LRMDA: variants seen among roughly 807,000 people sequenced by gnomAD.
The protein encoded by LRMDA is leucine-rich melanocyte differentiation-associated protein.
A neutral mutation model predicts 29.8 loss-of-function variants in LRMDA; 18 were observed. The observed-to-expected ratio is 0.60, with a 90% CI of 0.42 to 0.90. The LOEUF is 0.90. Among genes scored for constraint, LRMDA ranks in the 40% least tolerant of loss-of-function variants. LRMDA has a pLI of 0.00. For missense variants in LRMDA, 273 were observed against 273.9 expected, an observed-to-expected ratio of 1.00 and a Z score of 0.02; for synonymous variants, 125 against 109.4, an observed-to-expected ratio of 1.14 and a Z score of -0.89.
In LRMDA at chr10:76,250,415, T is replaced by TG. The variant is rs375877216; in HGVS notation, c.517-73985dup. Among the ~76,000 whole-genome samples the TG allele has an allele frequency of 2.2e-3, 330 of 152,338 alleles. 2 individuals carry two copies. Among genetic ancestry groups the TG allele is most frequent in the African/African-American group, 7.2e-3 (300 of 41,578 alleles). On this transcript the variant is annotated intron_variant, in intron 5 of 6. Coordinates refer to ENST00000611255, the MANE Select transcript of LRMDA (RefSeq NM_001305581.2). ...ATGATAAATTATGGATGTTATGATA[T>TG]GTATGTACTTTCATTTGTAAGTAAT...
chr10:76,537,284 C>T (rs868860057), intron 6 of LRMDA, among the ~76,000 whole-genome samples: 2 of 152,164 alleles, frequency 1.3e-5, no homozygotes, highest in African/African-American at 4.8e-5. Context: ...TGCTAGATGC[C>T]CTACACACGT....
At chr10:75,441,062 A>G (rs558599052) in intron 2 of LRMDA, among the ~76,000 whole-genome samples, 1 of 152,238 alleles carries the variant, frequency 6.6e-6, no homozygotes, top group South Asian at 2.1e-4. Context: ...AAGAGAAAAA[A>G]GAATAAACAG....
rs140327969 is a variant in LRMDA, at chr10:76,028,575, C to T, written c.132-7433C>T. Among the ~76,000 whole-genome samples, 1,113 of 152,038 alleles carry T rather than the reference C, an allele frequency of 7.3e-3. 11 individuals carry two copies. Among genetic ancestry groups the T allele is most frequent in the African/African-American group, 0.021 (860 of 41,448 alleles). On this transcript the variant is annotated intron_variant, in intron 2 of 6. Transcript: ENST00000611255. The stretch of plus-strand genomic sequence containing the variant: ...TCTTAATATCTCTTTAGGGTCCTGT[C>T]CCCTATAAATGTGATAAACATCTCC...
At chr10:76,531,142 T>G (rs886747573) in intron 6 of LRMDA, among the ~76,000 whole-genome samples, 7 of 152,272 alleles carry the variant, frequency 4.6e-5, no homozygotes, top group Non-Finnish European at 8.8e-5. Flanking sequence ...CAATGTGTCT[T>G]TAGCACTTCC....
intron 2 of LRMDA, among the ~76,000 whole-genome samples, chr10:75,615,447 A>G (rs4745784): frequency 0.097 from 14,734 of 152,140 alleles, 2,261 homozygotes; most frequent in African/African-American, 0.33. Context: ...TTGAGCATCA[A>G]ATTGGTGCTC....
intron 5 of LRMDA, among the ~76,000 whole-genome samples, chr10:76,183,831 A>G (rs1249702874): frequency 1.3e-5 from 2 of 151,584 alleles, no homozygotes; most frequent in Non-Finnish European, 2.9e-5. Flanking sequence ...TGTTCCTCCT[A>G]CCTAAGCCTC....
intron 2 of LRMDA, among the ~76,000 whole-genome samples, chr10:75,618,374 C>CTATA (rs746802073): frequency 1.1e-5 from 1 of 93,818 alleles, no homozygotes; most frequent in African/African-American, 3.9e-5. Context: ...CTCTCTCTCT[C>CTATA]TCTCTCTCTA....
chr10:75,711,652 AG>A (rs1842437535), intron 2 of LRMDA, among the ~76,000 whole-genome samples: 1 of 152,182 alleles, frequency 6.6e-6, no homozygotes, highest in Admixed American at 6.5e-5. Context: ...TATTGTGAAT[AG>A]GGGGTAAGAA....
chr10:76,089,368 G>A (rs1363937400), intron 5 of LRMDA, among the ~76,000 whole-genome samples: 1 of 152,208 alleles, frequency 6.6e-6, no homozygotes, highest in Non-Finnish European at 1.5e-5. Flanking sequence ...ACTTAAGAAT[G>A]AGTTGGGGAA....
chr10:75,789,266 C>T (rs1843525953), intron 2 of LRMDA, among the ~76,000 whole-genome samples: 1 of 152,222 alleles, frequency 6.6e-6, no homozygotes, highest in Non-Finnish European at 1.5e-5. Context: ...ATTGTGACTA[C>T]ATAGCACTTA....
chr10:76,048,235 TAC>T (rs776199217), intron 4 of LRMDA, among the ~76,000 whole-genome samples: 4 of 152,180 alleles, frequency 2.6e-5, no homozygotes, highest in Non-Finnish European at 5.9e-5. Flanking sequence ...TATGTATGTG[TAC>T]ACACACATTC....
At chr10:75,519,715 C>T (rs1036654944) in intron 2 of LRMDA, among the ~76,000 whole-genome samples, 1 of 152,196 alleles carries the variant, frequency 6.6e-6, no homozygotes, top group Non-Finnish European at 1.5e-5. Context: ...GAATTTGATC[C>T]TGTCATTATG....
At chr10:76,332,169 T>C (rs1435001916) in intron 6 of LRMDA, among the ~76,000 whole-genome samples, 1 of 152,100 alleles carries the variant, frequency 6.6e-6, no homozygotes, top group Non-Finnish European at 1.5e-5. Context: ...CGCATATATA[T>C]AGATAGATGT....
rs530569634 is a variant in LRMDA at position 75,632,430 on chromosome 10, G to A, written c.131+193936G>A. Among the ~76,000 whole-genome samples, 30 of 152,184 alleles carry A rather than the reference G, an allele frequency of 2.0e-4. 1 individual carries two copies. In the South Asian group the frequency reaches 6.0e-3, roughly 31 times the overall value. On this transcript the variant is annotated intron_variant, in intron 2 of 6. Coordinates refer to ENST00000611255, the MANE Select transcript of LRMDA (RefSeq NM_001305581.2). Reference sequence around the variant, plus strand: ...CTCTTTTTTCTTTTTTTCCTTGAAGGCTCTAACCTTTGGACTTTGAAATTT... The same window carrying A: ...CTCTTTTTTCTTTTTTTCCTTGAAGACTCTAACCTTTGGACTTTGAAATTT...
At chr10:75,910,525 T>C (rs1425145044) in intron 2 of LRMDA, among the ~76,000 whole-genome samples, 1 of 152,198 alleles carries the variant, frequency 6.6e-6, no homozygotes, top group Non-Finnish European at 1.5e-5. Context: ...GCTGTCACTC[T>C]AGGAATGAAA....
At chr10:76,341,343 T>C (rs1841039002) in intron 6 of LRMDA, among the ~76,000 whole-genome samples, 1 of 152,208 alleles carries the variant, frequency 6.6e-6, no homozygotes, top group African/African-American at 2.4e-5. Context: ...TCTTAGGGGA[T>C]TCTCCTTCAC....
At chr10:75,731,678 T>A (rs548225861) in intron 2 of LRMDA, among the ~76,000 whole-genome samples, 3 of 152,366 alleles carry the variant, frequency 2.0e-5, no homozygotes, top group Non-Finnish European at 2.9e-5. Context: ...TAAAGCATGT[T>A]TCATACTGCA....
rs1321026586 is a variant in LRMDA at position 76,231,555 on chromosome 10, C to G, written c.517-92846C>G. Among the ~76,000 whole-genome samples, 5 of 152,152 alleles carry G rather than the reference C, an allele frequency of 3.3e-5. No homozygotes were observed. In the East Asian group the frequency reaches 9.6e-4, roughly 29 times the overall value. ...GATCTTGGTGCTGACTGTAAACAAA[C>G]AGCCTTTTCATACCTCATCGATGTT... On this transcript the variant is annotated intron_variant, in intron 5 of 6. Transcript: ENST00000611255.
In LRMDA at chr10:75,549,044, C is replaced by A. The variant is rs758019148; in HGVS notation, c.131+110550C>A. On this transcript the variant is annotated intron_variant, in intron 2 of 6. Transcript: ENST00000611255. ...ACCAACTACAAATTGAATATTCAAT[C>A]TGAAATGGAATCATACAGTATTCAC... Among the ~76,000 whole-genome samples, 25 of 152,212 alleles carry A rather than the reference C, an allele frequency of 1.6e-4. 1 individual carries two copies. Among genetic ancestry groups the A allele is most frequent in the Non-Finnish European group, 2.9e-4 (20 of 67,996 alleles).
Sources: allele counts gnomAD v4.1 joint callset (sites outside exome capture counted in the v4.1 genomes callset), GRCh38; gene constraint gnomAD v4.1.1; transcripts MANE v1.5; gene names NCBI Gene and HGNC (gene_info 2026-07-23, HGNC 2026-07-21).